The following HS6ST3 variants were observed in gnomAD, a reference collection of about 807,000 sequenced individuals.
The protein encoded by HS6ST3 is heparan-sulfate 6-O-sulfotransferase 3.
In HS6ST3, 12 loss-of-function variants were observed where a neutral mutation model predicts 36.7. The observed-to-expected ratio is 0.33, with a 90% confidence interval of 0.21 to 0.53. The LOEUF (loss-of-function observed/expected upper bound fraction) is 0.53, where lower values mean the gene tolerates loss of function less well. Among genes scored for constraint, HS6ST3 ranks in the 20% least tolerant of loss-of-function variants. The probability of loss-of-function intolerance (pLI) is 0.95; values close to 1 mark genes in which losing one functional copy is unlikely to be tolerated. For missense variants in HS6ST3, 584 were observed against 640.9 expected (o/e 0.91, Z 0.96); for synonymous variants, 240 against 257.5 (o/e 0.93, Z 0.65).
chr13:96,499,440 G>A (rs1196438292), intron 1 of HS6ST3, among the ~76,000 whole-genome samples: 1 of 152,174 alleles, frequency 6.6e-6, no homozygotes, highest in Admixed American at 6.5e-5. Flanking sequence ...CTACCCTGGA[G>A]GAGCTTACAT....
intron 1 of HS6ST3, among the ~76,000 whole-genome samples, chr13:96,827,258 TA>T (rs1210613973): frequency 6.6e-6 from 1 of 152,154 alleles, no homozygotes; most frequent in African/African-American, 2.4e-5. Context: ...TTTGGAGAAT[TA>T]AAAAATGAAT....
chr13:96,131,818 C>T lies in HS6ST3; in HGVS notation c.707+40249C>T, dbSNP rs891254701. 5.3e-5 allele frequency among the ~76,000 whole-genome samples: 8 copies of T among 150,766 alleles called. No individual in the cohort carries two copies. The East Asian group carries it at 1.2e-3, about 22-fold the overall frequency. The stretch of plus-strand genomic sequence containing the variant: ...TCTAAGATAGATAATGGCGTGGAGA[C>T]CATCTAATTATTTTTAAATTTGTAA... On this transcript the variant is annotated intron_variant, in intron 1 of 1. Coordinates refer to ENST00000376705, the MANE Select transcript of HS6ST3 (RefSeq NM_153456.4).
chr13:96,311,377 G>A lies in HS6ST3; in HGVS notation c.707+219808G>A, dbSNP rs138511707. On this transcript the variant is annotated intron_variant, in intron 1 of 1. Coordinates refer to ENST00000376705, the MANE Select transcript of HS6ST3 (RefSeq NM_153456.4). ...CACACATTTCTTGAATTAACAAAAT[G>A]CATGAAATTTAAACTTTGGCAATTG... is the stretch of plus-strand genomic sequence containing the variant. 7.2e-4 allele frequency among the ~76,000 whole-genome samples: 110 copies of A among 152,234 alleles called. 2 individuals carry two copies. Among genetic ancestry groups the A allele is most frequent in the African/African-American group, 2.5e-3 (105 of 41,546 alleles).
intron 1 of HS6ST3, among the ~76,000 whole-genome samples, chr13:96,616,689 C>A (rs1418843201): frequency 1.3e-5 from 2 of 152,260 alleles, no homozygotes; most frequent in African/African-American, 2.4e-5. Flanking sequence ...GTTTCATGAA[C>A]CCAAAGCTCA....
chr13:96,748,256 GC>G (rs1215438783), intron 1 of HS6ST3, among the ~76,000 whole-genome samples: 1 of 152,002 alleles, frequency 6.6e-6, no homozygotes, highest in East Asian at 1.9e-4. Flanking sequence ...TGGATCCTGT[GC>G]CCTCCCCTGG....
At chr13:96,451,321 G>C (rs1307181125) in intron 1 of HS6ST3, among the ~76,000 whole-genome samples, 1 of 151,924 alleles carries the variant, frequency 6.6e-6, no homozygotes, top group Non-Finnish European at 1.5e-5. Flanking sequence ...TGAATTTCCA[G>C]TATTGGCAAG....
intron 1 of HS6ST3, among the ~76,000 whole-genome samples, chr13:96,092,386 A>G (rs2053769314): frequency 6.6e-6 from 1 of 152,190 alleles, no homozygotes; most frequent in South Asian, 2.1e-4. Flanking sequence ...GCCTTAAAAA[A>G]CAGTAATACA....
Position 96,794,813 on chromosome 13 carries a change from T to G in HS6ST3, c.708-37677T>G, listed in dbSNP as rs774903711. On this transcript the variant is annotated intron_variant, in intron 1 of 1. Coordinates refer to ENST00000376705, the MANE Select transcript of HS6ST3 (RefSeq NM_153456.4). ...ATGTATAAGGTCATCAGATGAAACA[T>G]GAAGTAGAGATGGGCTTTCTAACCA... Among the ~76,000 whole-genome samples, 3 of 152,168 alleles carry G rather than the reference T, an allele frequency of 2.0e-5. No individual in the cohort carries two copies. The East Asian group carries it at 5.8e-4, about 29-fold the overall frequency.
At chr13:96,318,625 C>T (rs2054988331) in intron 1 of HS6ST3, among the ~76,000 whole-genome samples, 1 of 152,034 alleles carries the variant, frequency 6.6e-6, no homozygotes, top group Admixed American at 6.6e-5. Context: ...CCAGCTACCC[C>T]AGCACCATTT....
At chr13:96,603,563 G>A (rs2056428887) in intron 1 of HS6ST3, among the ~76,000 whole-genome samples, 1 of 152,096 alleles carries the variant, frequency 6.6e-6, no homozygotes, top group African/African-American at 2.4e-5. Flanking sequence ...ATTCTTTTCT[G>A]TGGGGTATAT....
At chr13:96,453,180 TAAAAAAAA>T (rs56996268) in intron 1 of HS6ST3, among the ~76,000 whole-genome samples, 4 of 135,832 alleles carry the variant, frequency 2.9e-5, no homozygotes, top group African/African-American at 5.5e-5. Flanking sequence ...ATGCTCTTTT[TAAAAAAAA>T]AAAAAAAAGA....
intron 1 of HS6ST3, among the ~76,000 whole-genome samples, chr13:96,752,021 C>T (rs958045832): frequency 3.3e-5 from 5 of 152,032 alleles, no homozygotes; most frequent in African/African-American, 4.8e-5. Context: ...TGGTCTCCCA[C>T]GTGCTCCTGT....
At chr13:96,397,206 G>GA in intron 1 of HS6ST3, among the ~76,000 whole-genome samples, 1 of 151,954 alleles carries the variant, frequency 6.6e-6, no homozygotes, top group East Asian at 1.9e-4. Flanking sequence ...CTGTCTCAAA[G>GA]AAAGCAAAAC....
rs56363761 is a variant in HS6ST3, at chr13:96,304,679, T to TTTTCTTTCTTTCTTTCTTTCTTTCTTTC, written c.707+213118_707+213145dup. ...CTACATGAGAATCACTGTTGCATGT[T>TTTTCTTTCTTTCTTTCTTTCTTTCTTTC]TTTCTTTCTTTCTTTCTTTCTTTCT... On this transcript the variant is annotated intron_variant, in intron 1 of 1. Transcript: ENST00000376705. Among the ~76,000 whole-genome samples, 301 of 87,022 alleles carry TTTTCTTTCTTTCTTTCTTTCTTTCTTTC rather than the reference T, an allele frequency of 3.5e-3. 22 individuals carry two copies. Among genetic ancestry groups the TTTTCTTTCTTTCTTTCTTTCTTTCTTTC allele is most frequent in the Middle Eastern group, 6.2e-3 (1 of 162 alleles). 57.1% of individuals were successfully genotyped at this position (87,022 alleles called of 152,430 possible).
rs72642801 is a variant in HS6ST3 at position 96,623,294 on chromosome 13, C to G, written c.708-209196C>G. On this transcript the variant is annotated intron_variant, in intron 1 of 1. Transcript: ENST00000376705. The stretch of plus-strand genomic sequence containing the variant: ...ATATTCTCGAGGAAACGTTGATTTA[C>G]CCAGACTCTAGTATATCTCCCTGTG... Among the ~76,000 whole-genome samples, 612 of 152,204 alleles carry G rather than the reference C, an allele frequency of 4.0e-3. 6 individuals carry two copies. The highest frequency in any genetic ancestry group is 7.2e-3 in the Admixed American group (110 of 15,284).
intron 1 of HS6ST3, among the ~76,000 whole-genome samples, chr13:96,109,644 T>C (rs907802323): frequency 5.3e-5 from 8 of 152,074 alleles, no homozygotes; most frequent in Admixed American, 5.2e-4. Context: ...GTTGCACTGG[T>C]GTTAGTGACT....
At chr13:96,278,856 A>G (rs1387009028) in intron 1 of HS6ST3, among the ~76,000 whole-genome samples, 1 of 152,166 alleles carries the variant, frequency 6.6e-6, no homozygotes, top group Non-Finnish European at 1.5e-5. Context: ...TTTGGCAATC[A>G]CATTTTCAAT....
At chr13:96,476,613 G>A (rs1444328942) in intron 1 of HS6ST3, among the ~76,000 whole-genome samples, 3 of 152,106 alleles carry the variant, frequency 2.0e-5, no homozygotes, top group Non-Finnish European at 2.9e-5. Flanking sequence ...GGCCAGCCTC[G>A]GCCTCCCAAA....
chr13:96,569,868 C>G (rs2056294983), intron 1 of HS6ST3, among the ~76,000 whole-genome samples: 1 of 152,156 alleles, frequency 6.6e-6, no homozygotes, highest in African/African-American at 2.4e-5. Flanking sequence ...CCACTTCATA[C>G]TGTCTCTCTA....
Sources: gnomAD v4.1 joint callset for allele counts (sites outside exome capture counted in the v4.1 genomes callset) on GRCh38, gnomAD v4.1.1 for gene constraint, MANE v1.5 for transcripts, NCBI Gene and HGNC (gene_info 2026-07-23, HGNC 2026-07-21) for gene names.